USP6: variants seen among roughly 807,000 people sequenced by gnomAD.
USP6 encodes ubiquitin carboxyl-terminal hydrolase 6.
A neutral mutation model predicts 175.7 loss-of-function variants in USP6; 128 were observed. That is an observed-to-expected ratio of 0.73 (90% confidence interval 0.63 to 0.84). The LOEUF is 0.84. Ranked by LOEUF, USP6 falls within the 40% of genes least tolerant of loss-of-function variation. The pLI is 0.00. For missense variants in USP6, 1,498 were observed against 1,760.3 expected (o/e 0.85, Z 2.67); for synonymous variants, 562 against 630.6 (o/e 0.89, Z 1.63).
At chr17:5,167,153 T>C (rs1454302762) in intron 33 of USP6, among the ~76,000 whole-genome samples, 1 of 152,234 alleles carries the variant, frequency 6.6e-6, no homozygotes, top group African/African-American at 2.4e-5. Flanking sequence ...TGTCTTCTCA[T>C]GGTGAGCTTT....
intron 15 of USP6, chr17:5,134,503 C>T (rs764785622): frequency 3.6e-4 from 64 of 180,012 alleles, no homozygotes; most frequent in Non-Finnish European, 6.8e-4. Flanking sequence ...AGATATTGAA[C>T]CCACTGATTT....
At position 5,132,496 on chromosome 17, in the gene USP6, T is replaced by G; in HGVS notation, c.195+61T>G. The G allele has an allele frequency of 6.2e-7, 1 of 1,611,702 alleles. No individual in the cohort carries two copies. Among genetic ancestry groups the G allele is most frequent in the South Asian group, 1.1e-5 (1 of 90,960 alleles). ...ACGTAGGGACTGGGCGGGTGGTCAG[T>G]GAGGCAGAGGAAGCAGCTGGCCTGG... On this transcript the variant is annotated intron_variant, in intron 12 of 37. Coordinates refer to ENST00000574788, the MANE Select transcript of USP6 (RefSeq NM_001304284.2). This position sits in a 1 kb window ranked among gnomAD's most constrained non-coding sequence, Gnocchi z 4.7.
Position 5,136,690 on chromosome 17 carries a change from G to A in USP6, c.715G>A (p.Glu239Lys), listed in dbSNP as rs756916065. ...AGTCCAGGGGCTCCAAGACCAACAGGAGCATGTGGTACCCAAGTCACAACC... is the reference window on the plus strand; with the variant it reads ...AGTCCAGGGGCTCCAAGACCAACAGAAGCATGTGGTACCCAAGTCACAACC... ...GTVQGLQDQQEHVVPKSQPKT... is the reference protein window; with the variant it reads ...GTVQGLQDQQKHVVPKSQPKT... Residue 239 changes from glutamate to lysine, a missense_variant, in exon 18 of 38, where the codon GAG (glutamate) becomes AAG (lysine). Transcript: ENST00000574788. The A allele has an allele frequency of 2.5e-6, 4 of 1,612,110 alleles. No individual in the cohort carries two copies. In the African/African-American group the frequency reaches 5.3e-5, roughly 22 times the overall value.
intron 30 of USP6, among the ~76,000 whole-genome samples, chr17:5,151,531 A>G (rs1451222465): frequency 6.6e-6 from 1 of 152,054 alleles, no homozygotes; most frequent in African/African-American, 2.4e-5. Flanking sequence ...TAGCCAAGAT[A>G]CTCTTGAAGA....
rs746602395 is a variant in USP6, at chr17:5,132,412, C to G, written c.172C>G (p.Pro58Ala). ...GCCTTACAGTGAGACGGAGCTGCCT[C>G]CTGTGACTGCACGGGAGGCGAAGGT... Reference protein sequence around the residue: ...FGILHETELPPVTAREAKKIR... With the variant: ...FGILHETELPAVTAREAKKIR... Residue 58 changes from proline to alanine, a missense_variant, in exon 12 of 38, where the codon CCT becomes GCT. Physicochemically the swap from Pro to Ala is conservative, Grantham distance 27 (BLOSUM62 -1). This residue lies in a region of USP6 where 281 missense variants were observed against 259.6 expected (regional missense o/e 1.08). Transcript: ENST00000574788. This position sits in a 1 kb window ranked among gnomAD's most constrained non-coding sequence, Gnocchi z 4.7. 6.2e-7 allele frequency: 1 copy of G among 1,612,164 alleles called. No individual in the cohort carries two copies. The highest frequency in any genetic ancestry group is 1.1e-5 in the South Asian group (1 of 90,990).
intron 32 of USP6, among the ~76,000 whole-genome samples, chr17:5,162,098 C>T (rs1056431107): frequency 2.0e-5 from 3 of 152,154 alleles, no homozygotes; most frequent in Admixed American, 2.0e-4. Context: ...CAGTCCATAC[C>T]AAATTCATAA....
At chr17:5,119,712 T>C (rs1192029357) in intron 2 of USP6, among the ~76,000 whole-genome samples, 1 of 152,172 alleles carries the variant, frequency 6.6e-6, no homozygotes, top group African/African-American at 2.4e-5. Flanking sequence ...CAATGCTAAT[T>C]ATTATAATTA....
chr17:5,142,172 C>T, intron 24 of USP6, 31 bp downstream of exon 24: 1 of 1,599,588 alleles, frequency 6.3e-7, no homozygotes, highest in Non-Finnish European at 8.5e-7. Flanking sequence ...GGCCTCTTAA[C>T]CTGTGACTTT....
rs1416518397 is a variant in USP6, at chr17:5,173,819, C to G, written c.*841C>G. The G allele has an allele frequency of 2.2e-5, 5 of 222,772 alleles. No homozygotes were observed. The South Asian group carries it at 7.4e-4, about 33-fold the overall frequency. 13.8% of individuals were successfully genotyped at this position (222,772 alleles called of 1,614,324 possible). On this transcript the variant is annotated 3_prime_UTR_variant, in exon 38 of 38. Transcript: ENST00000574788. Reference sequence around the variant, plus strand: ...GGGGAGCAGTTGCCAATATTTGCACCATCTTCACATGCACATGTTGCAACA... The same window carrying G: ...GGGGAGCAGTTGCCAATATTTGCACGATCTTCACATGCACATGTTGCAACA...
Position 5,130,411 on chromosome 17 carries a change from G to T in USP6, c.44G>T (p.Arg15Leu). ...ENADSLQAQE[R>L]KDILMKYDKG... ...GCAGATAGTTTGCAGGCACAGGAGC[G>T]GAAGGACATACTTATGAAGTATGAC... is the stretch of plus-strand genomic sequence containing the variant. Residue 15 changes from arginine to leucine, a missense_variant, in exon 10 of 38, where the codon CGG (arginine) becomes CTG (leucine). Coordinates refer to ENST00000574788, the MANE Select transcript of USP6 (RefSeq NM_001304284.2). 6.2e-7 allele frequency: 1 copy of T among 1,614,128 alleles called. No homozygotes were observed. Among genetic ancestry groups the T allele is most frequent in the Non-Finnish European group, 8.5e-7 (1 of 1,180,012 alleles).
intron 14 of USP6, 134 bp downstream of exon 14, chr17:5,133,684 C>T (rs878879548): frequency 2.0e-5 from 24 of 1,179,708 alleles, no homozygotes; most frequent in Middle Eastern, 2.7e-4. Context: ...TGGGCATGGA[C>T]GGTGACACAG....
At chr17:5,130,201 G>C (rs562526164) in intron 9 of USP6, 112 bp downstream of exon 9, 7 of 642,332 alleles carry the variant, frequency 1.1e-5, no homozygotes, top group South Asian at 1.1e-4. Flanking sequence ...AGACTGCAGA[G>C]ACCCATGGAG....
Position 5,147,090 on chromosome 17 carries a change from C to T in USP6, c.2327C>T (p.Pro776Leu), listed in dbSNP as rs2073633862. Residue 776 changes from proline (P) to leucine (L), a missense_variant, in exon 29 of 38, where the codon CCT (proline) becomes CTT (leucine). By Grantham distance (98) the Pro-to-Leu change is moderately conservative (BLOSUM62 -3). Around this residue, in one of 2 missense-constraint regions of USP6, gnomAD observed 1,217 missense variants for 1,500.8 expected, o/e 0.81. Transcript: ENST00000574788. ...EVHDSNIKNF[P>L]QDNQKVQLSV... is the part of the protein sequence containing the mutation. ...TTGCTGCTGTTTCTGTAGAACTTTC[C>T]TCAGGATAACCAAAAAGTACAACTC... The T allele has an allele frequency of 8.1e-6, 13 of 1,612,282 alleles. No individual in the cohort carries two copies. Among genetic ancestry groups the T allele is most frequent in the Non-Finnish European group, 1.1e-5 (13 of 1,179,394 alleles).
In USP6 at chr17:5,139,431, G is replaced by T; in HGVS notation, c.1255G>T (p.Ala419Ser). The T allele has an allele frequency of 6.2e-7, 1 of 1,613,038 alleles. No individual in the cohort carries two copies. The highest frequency in any genetic ancestry group is 1.1e-5 in the South Asian group (1 of 91,032). ...TTTTTCCACGCCCTGTCCTGGTGGG[G>T]CTGTCCGGGAAGACACGTACCCTGT... ...SRFSTPCPGG[A>S]VREDTYPVGT... Residue 419 changes from alanine to serine, a missense_variant, in exon 22 of 38, where the codon GCT becomes TCT. Coordinates refer to ENST00000574788, the MANE Select transcript of USP6 (RefSeq NM_001304284.2).
intron 26 of USP6, among the ~76,000 whole-genome samples, chr17:5,145,077 G>A (rs2073568196): frequency 6.6e-6 from 1 of 152,138 alleles, no homozygotes; most frequent in African/African-American, 2.4e-5. Context: ...ATTTCACATT[G>A]TAAACTTTAT....
intron 22 of USP6, among the ~76,000 whole-genome samples, chr17:5,140,165 T>C (rs1414465992): frequency 2.0e-5 from 3 of 152,138 alleles, no homozygotes; most frequent in African/African-American, 4.8e-5. Context: ...ATGTTTCCTG[T>C]TGAAATGATT....
chr17:5,120,926 T>G (rs1175552146), intron 3 of USP6, 138 bp downstream of exon 3: 34 of 454,402 alleles, frequency 7.5e-5, no homozygotes, highest in Non-Finnish European at 2.2e-5. Flanking sequence ...CCCCTCATGA[T>G]TTCGATGTAA....
In USP6 at chr17:5,135,793, C is replaced by T. The variant is rs549051674; in HGVS notation, c.544-15C>T. The T allele has an allele frequency of 2.3e-5, 37 of 1,597,700 alleles. No individual in the cohort carries two copies. In the East Asian group the frequency reaches 6.0e-4, roughly 26 times the overall value. ...CCCAGGTGATGTCCTTCCATGGTGACTCTGGCTCTTGCAGGAGGTGGGCTA... is the reference window on the plus strand; with the variant it reads ...CCCAGGTGATGTCCTTCCATGGTGATTCTGGCTCTTGCAGGAGGTGGGCTA... On this transcript the variant is annotated splice_polypyrimidine_tract_variant and intron_variant, in intron 16 of 37. Coordinates refer to ENST00000574788, the MANE Select transcript of USP6 (RefSeq NM_001304284.2).
At chr17:5,139,008 C>T (rs778545574) in intron 21 of USP6, 1 of 1,538,668 alleles carries the variant, frequency 6.5e-7, no homozygotes, top group Non-Finnish European at 8.7e-7. Flanking sequence ...TGGCAGGAAG[C>T]CCCCAGCCAG....
Sources: allele counts gnomAD v4.1 joint callset (sites outside exome capture counted in the v4.1 genomes callset), GRCh38; gene constraint gnomAD v4.1.1; regional missense constraint gnomAD v4.1.1; non-coding constraint Gnocchi (gnomAD v3.1); transcripts MANE v1.5; gene names NCBI Gene and HGNC (gene_info 2026-07-23, HGNC 2026-07-21).